RNF220: variants seen among roughly 807,000 people sequenced by gnomAD.
RNF220 encodes the protein ring finger protein 220, also known as E3 ubiquitin-protein ligase RNF220.
RNF220 carries 7 observed loss-of-function variants against 67.1 expected under a neutral mutation model. The observed-to-expected ratio is 0.10, with a 90% CI of 0.06 to 0.20. The LOEUF (loss-of-function observed/expected upper bound fraction) is 0.20. RNF220 is among the 10% of genes least tolerant of loss of function. RNF220 has a pLI of 1.00. For synonymous variants in RNF220, 270 were observed against 283.2 expected, an observed-to-expected ratio of 0.95 and a Z score of 0.47; for missense variants, 565 against 740.3, an observed-to-expected ratio of 0.76 and a Z score of 2.75.
intron 2 of RNF220, among the ~76,000 whole-genome samples, chr1:44,521,220 G>C (rs1659914016): frequency 6.6e-6 from 1 of 152,144 alleles, no homozygotes; most frequent in Admixed American, 6.5e-5. Flanking sequence ...GTGAATTCCT[G>C]CACCTGGATC....
At chr1:44,472,788 A>C (rs1465069125) in intron 2 of RNF220, among the ~76,000 whole-genome samples, 1 of 152,180 alleles carries the variant, frequency 6.6e-6, no homozygotes, top group South Asian at 2.1e-4. Flanking sequence ...TTGTCAAACT[A>C]GTCTGCAACA....
At chr1:44,636,875 C>T (rs1644346026) in intron 8 of RNF220, among the ~76,000 whole-genome samples, 1 of 152,216 alleles carries the variant, frequency 6.6e-6, no homozygotes, top group Admixed American at 6.5e-5. Flanking sequence ...TTGACACCCC[C>T]CACCAGGTCA....
chr1:44,583,386 TCACTTCTCC>T (rs1302246530), intron 2 of RNF220, among the ~76,000 whole-genome samples: 1 of 152,182 alleles, frequency 6.6e-6, no homozygotes, highest in Admixed American at 6.5e-5. Flanking sequence ...GGATGAAGCC[TCACTTCTCC>T]CACTGACAAT....
chr1:44,621,279 C>T lies in RNF220; in HGVS notation c.759-1463C>T, dbSNP rs910791055. 6.6e-6 allele frequency among the ~76,000 whole-genome samples: 1 copy of T among 152,132 alleles called. No individual in the cohort carries two copies. The highest frequency in any genetic ancestry group is 1.5e-5 in the Non-Finnish European group (1 of 68,018). ...CTCTGTGGCCCTGTGCATCTGTATG[C>T]GTGTCTGAGTCTCCAGGTGTGACTG... On this transcript the variant is annotated intron_variant, in intron 3 of 14. Coordinates refer to ENST00000361799, the MANE Select transcript of RNF220 (RefSeq NM_018150.4). The surrounding 1 kb of genome is among the most constrained non-coding windows in gnomAD (Gnocchi z 4.8).
At chr1:44,603,444 C>G (rs145642736) in intron 2 of RNF220, among the ~76,000 whole-genome samples, 1,571 of 152,322 alleles carry the variant, frequency 0.01, 28 homozygotes, top group African/African-American at 0.036. Context: ...GCAGAAGCCC[C>G]ACTATTTGCC....
rs575735626 is a variant in RNF220, at chr1:44,621,389, GCA to G, written c.759-1350_759-1349del. 5.6e-4 allele frequency among the ~76,000 whole-genome samples: 86 copies of G among 152,252 alleles called. No individual in the cohort carries two copies. The highest frequency in any genetic ancestry group is 2.0e-3 in the African/African-American group (82 of 41,534). On this transcript the variant is annotated intron_variant, in intron 3 of 14. Transcript: ENST00000361799. This position sits in a 1 kb window ranked among gnomAD's most constrained non-coding sequence, Gnocchi z 4.8. ...TTTATACCAGGGTTTCTCAACCTCG[GCA>G]CAGTTGACATTTGGGGTCAGATAAT...
At chr1:44,507,028 G>A (rs1210272365) in intron 2 of RNF220, among the ~76,000 whole-genome samples, 2 of 152,094 alleles carry the variant, frequency 1.3e-5, no homozygotes, top group Non-Finnish European at 2.9e-5. Flanking sequence ...AGCTGGGGTG[G>A]TACAATGACA....
At chr1:44,505,136 C>T (rs186578332) in intron 2 of RNF220, among the ~76,000 whole-genome samples, 281 of 152,334 alleles carry the variant, frequency 1.8e-3, no homozygotes, top group Middle Eastern at 6.8e-3. Flanking sequence ...GTTTGTCCCT[C>T]GTGCAGCATC....
At chr1:44,492,795 A>G (rs1045359452) in intron 2 of RNF220, among the ~76,000 whole-genome samples, 8 of 152,112 alleles carry the variant, frequency 5.3e-5, no homozygotes, top group African/African-American at 1.9e-4. Flanking sequence ...GTTTAAAGGT[A>G]TGGATTTCAG....
chr1:44,502,491 T>A (rs1165826203), intron 2 of RNF220, among the ~76,000 whole-genome samples: 1 of 150,580 alleles, frequency 6.6e-6, no homozygotes, highest in Non-Finnish European at 1.5e-5. Flanking sequence ...TTAGGCCTCA[T>A]CTTCCTGGAG....
intron 2 of RNF220, among the ~76,000 whole-genome samples, chr1:44,488,346 C>T (rs1361946318): frequency 6.6e-6 from 1 of 152,006 alleles, no homozygotes; most frequent in Non-Finnish European, 1.5e-5. Context: ...CCAGGCTGGT[C>T]TCGAACTCCT....
chr1:44,532,353 G>GT (rs1660898375), intron 2 of RNF220, among the ~76,000 whole-genome samples: 1 of 152,058 alleles, frequency 6.6e-6, no homozygotes, highest in Non-Finnish European at 1.5e-5. Flanking sequence ...TCCTTATGCT[G>GT]TTTTTTTAGA....
intron 2 of RNF220, among the ~76,000 whole-genome samples, chr1:44,446,793 G>A (rs182234965): frequency 5.4e-4 from 82 of 152,178 alleles, no homozygotes; most frequent in Non-Finnish European, 8.2e-4. Context: ...TCCTGACCTC[G>A]TGATCTGCCC....
chr1:44,632,665 A>G (rs987865021), intron 6 of RNF220: 1 of 557,040 alleles, frequency 1.8e-6, no homozygotes, highest in African/African-American at 1.9e-5. Flanking sequence ...CGAGCTACAC[A>G]ATTCTACTCG....
At chr1:44,631,764 G>C in intron 5 of RNF220, 2 of 331,514 alleles carry the variant, frequency 6.0e-6, no homozygotes, top group Non-Finnish European at 8.6e-6. Flanking sequence ...CCCGCAGCGG[G>C]AGGGGTCGTG....
intron 1 of RNF220, among the ~76,000 whole-genome samples, chr1:44,408,431 G>C (rs1250491904): frequency 6.6e-6 from 1 of 152,170 alleles, no homozygotes; most frequent in Non-Finnish European, 1.5e-5. Flanking sequence ...TAAAATTTCT[G>C]TTAGAGCGGT....
At chr1:44,537,459 G>A (rs1397478242) in intron 2 of RNF220, among the ~76,000 whole-genome samples, 2 of 151,882 alleles carry the variant, frequency 1.3e-5, no homozygotes, top group African/African-American at 4.8e-5. Context: ...GTATATTAAC[G>A]TTTACATAAC....
Position 44,649,544 on chromosome 1 carries a change from G to T in RNF220, c.1446-117G>T. ...TTCAGGTTATCAGAGAAAGGGGGCA[G>T]GCAGGGATGCCTAGGGGACATTTAT... is the stretch of plus-strand genomic sequence containing the variant. On this transcript the variant is annotated intron_variant, in intron 12 of 14. Coordinates refer to ENST00000361799, the MANE Select transcript of RNF220 (RefSeq NM_018150.4). This position sits in a 1 kb window ranked among gnomAD's most constrained non-coding sequence, Gnocchi z 5.9. 6.7e-6 allele frequency: 6 copies of T among 901,014 alleles called. No homozygotes were observed. In the South Asian group the frequency reaches 8.8e-5, roughly 13 times the overall value. The allele number at this position is 901,014 out of a possible 1,614,324, so 55.8% of individuals were successfully genotyped here.
intron 2 of RNF220, among the ~76,000 whole-genome samples, chr1:44,560,243 G>A (rs906723728): frequency 5.9e-5 from 9 of 152,144 alleles, no homozygotes; most frequent in Admixed American, 5.9e-4. Flanking sequence ...GGTGGCTGAT[G>A]GAGTGAGTGA....
Sources: allele counts gnomAD v4.1 joint callset (sites outside exome capture counted in the v4.1 genomes callset), GRCh38; gene constraint gnomAD v4.1.1; non-coding constraint Gnocchi (gnomAD v3.1); transcripts MANE v1.5; gene names NCBI Gene and HGNC (gene_info 2026-07-23, HGNC 2026-07-21).